SP100: variants seen among roughly 807,000 people sequenced by gnomAD.
SP100 encodes the protein nuclear autoantigen Sp-100.
In SP100, 84 loss-of-function variants were observed where a neutral mutation model predicts 130.0. That is an observed-to-expected ratio of 0.65 (90% CI 0.54 to 0.77). The LOEUF is 0.77. Among genes scored for constraint, SP100 ranks in the 30% least tolerant of loss-of-function variants. The pLI is 0.00. For synonymous variants in SP100, 331 were observed against 351.7 expected (o/e 0.94, Z 0.66); for missense variants, 978 against 1,052.2 (o/e 0.93, Z 0.97).
chr2:230,464,761 T>G (rs2064849438), intron 11 of SP100, among the ~76,000 whole-genome samples: 2 of 152,224 alleles, frequency 1.3e-5, no homozygotes, highest in African/African-American at 4.8e-5. Flanking sequence ...AGTTTATCCC[T>G]GCTTTATATG....
chr2:230,519,136 G>T (rs836231), intron 24 of SP100, among the ~76,000 whole-genome samples: 24,812 of 152,208 alleles, frequency 0.16, 2,440 homozygotes, highest in Non-Finnish European at 0.22. Flanking sequence ...CACAGAGAAA[G>T]AATTTAATCC....
chr2:230,454,901 T>C (rs538662789), intron 8 of SP100, among the ~76,000 whole-genome samples: 1 of 152,308 alleles, frequency 6.6e-6, no homozygotes, highest in African/African-American at 2.4e-5. Flanking sequence ...CCTAGTATTA[T>C]TGTATTAGTC....
At chr2:230,483,142 A>G (rs1262595664) in intron 17 of SP100, among the ~76,000 whole-genome samples, 1 of 152,230 alleles carries the variant, frequency 6.6e-6, no homozygotes, top group African/African-American at 2.4e-5. Context: ...CATTCTACTT[A>G]GGGTATATAG....
At chr2:230,527,974 A>C (rs758067330) in intron 24 of SP100, among the ~76,000 whole-genome samples, 6 of 152,180 alleles carry the variant, frequency 3.9e-5, no homozygotes, top group Non-Finnish European at 7.3e-5. Flanking sequence ...CCACACAATA[A>C]AAATGGGAGA....
At chr2:230,457,189 T>TG (rs1271178196) in intron 8 of SP100, among the ~76,000 whole-genome samples, 12 of 152,280 alleles carry the variant, frequency 7.9e-5, no homozygotes, top group African/African-American at 2.4e-4. Flanking sequence ...AGGTCTGTGC[T>TG]GGGGGAAACC....
intron 24 of SP100, among the ~76,000 whole-genome samples, chr2:230,530,179 A>C (rs1490160395): frequency 1.3e-5 from 2 of 152,210 alleles, no homozygotes; most frequent in Non-Finnish European, 2.9e-5. Context: ...ACTTCAAACT[A>C]TAATACAAGA....
At chr2:230,431,668 T>C (rs147746873) in intron 2 of SP100, among the ~76,000 whole-genome samples, 205 of 152,302 alleles carry the variant, frequency 1.3e-3, no homozygotes, top group Middle Eastern at 3.4e-3. Flanking sequence ...TCTGGAAGAC[T>C]ATTTTTTTTT....
intron 17 of SP100, among the ~76,000 whole-genome samples, chr2:230,482,234 C>T (rs958222664): frequency 1.3e-5 from 2 of 152,148 alleles, no homozygotes; most frequent in African/African-American, 4.8e-5. Flanking sequence ...TATTTTAATA[C>T]TTTTCTTACT....
At chr2:230,513,395 T>C (rs1435590954) in intron 24 of SP100, among the ~76,000 whole-genome samples, 1 of 152,162 alleles carries the variant, frequency 6.6e-6, no homozygotes, top group Non-Finnish European at 1.5e-5. Flanking sequence ...CATGATAAGA[T>C]TCAGGGACAA....
intron 2 of SP100, among the ~76,000 whole-genome samples, chr2:230,439,732 C>G (rs1367920319): frequency 2.0e-5 from 3 of 151,994 alleles, no homozygotes; most frequent in Non-Finnish European, 2.9e-5. Flanking sequence ...TTTATCAGAT[C>G]TATATCTTAG....
intron 18 of SP100, among the ~76,000 whole-genome samples, chr2:230,496,627 A>T (rs1269082624): frequency 6.6e-6 from 1 of 152,192 alleles, no homozygotes; most frequent in Non-Finnish European, 1.5e-5. Flanking sequence ...TGTCTCCTAG[A>T]TATGGTGGAT....
At chr2:230,450,657 C>G (rs1330686602) in intron 8 of SP100, among the ~76,000 whole-genome samples, 1 of 152,164 alleles carries the variant, frequency 6.6e-6, no homozygotes, top group East Asian at 1.9e-4. Context: ...GCCTCTGTTA[C>G]CACCATATAC....
At chr2:230,459,953 C>T (rs188420742) in intron 8 of SP100, among the ~76,000 whole-genome samples, 2 of 152,342 alleles carry the variant, frequency 1.3e-5, no homozygotes, top group Admixed American at 6.5e-5. Flanking sequence ...CACGCACCTG[C>T]GCGTTCCCCG....
At chr2:230,520,841 G>A (rs921402701) in intron 24 of SP100, among the ~76,000 whole-genome samples, 8 of 152,184 alleles carry the variant, frequency 5.3e-5, no homozygotes, top group Admixed American at 5.2e-4. Context: ...CACCAGAATT[G>A]TCCTTTCTTA....
At chr2:230,440,537 G>T (rs2063436930) in intron 2 of SP100, 1 of 1,376,134 alleles carries the variant, frequency 7.3e-7, no homozygotes, top group Non-Finnish European at 9.5e-7. Flanking sequence ...TATAAGCAGT[G>T]CTGGGTAAAA....
chr2:230,449,736 T>C, intron 7 of SP100, 26 bp downstream of exon 7: 1 of 1,613,300 alleles, frequency 6.2e-7, no homozygotes, highest in Non-Finnish European at 8.5e-7. Flanking sequence ...TTGGCATGAA[T>C]GGGGAGGAGC....
intron 3 of SP100, 102 bp downstream of exon 3, chr2:230,443,201 C>T: frequency 8.9e-7 from 1 of 1,125,026 alleles, no homozygotes; most frequent in East Asian, 2.4e-5. Flanking sequence ...TGCTAACTGA[C>T]AGGTCTCCTA....
intron 24 of SP100, chr2:230,515,419 TG>T (rs763488004): frequency 3.1e-6 from 5 of 1,613,756 alleles, no homozygotes; most frequent in Admixed American, 3.3e-5. Context: ...GGCAGGGATG[TG>T]GAATAACACC....
intron 24 of SP100, chr2:230,514,917 A>G: frequency 9.8e-7 from 1 of 1,025,442 alleles, no homozygotes. Flanking sequence ...CAAAAAACCT[A>G]CAAGAGATTG....
Sources: gnomAD v4.1 joint callset for allele counts (sites outside exome capture counted in the v4.1 genomes callset) on GRCh38, gnomAD v4.1.1 for gene constraint, MANE v1.5 for transcripts, NCBI Gene and HGNC (gene_info 2026-07-23, HGNC 2026-07-21) for gene names.